Variants in OPHN1 observed in about 807,000 individuals in gnomAD.
OPHN1 encodes the protein oligophrenin-1.
Under a neutral mutation model 60.7 loss-of-function variants are expected in OPHN1, and 11 were observed. That is an observed-to-expected ratio of 0.18 (90% CI 0.11 to 0.30). The LOEUF is 0.30. Ranked by LOEUF, OPHN1 falls within the 10% of genes least tolerant of loss-of-function variation. OPHN1 has a pLI of 1.00. For synonymous variants in OPHN1, 226 were observed against 222.6 expected, an observed-to-expected ratio of 1.02 and a Z score of -0.14; for missense variants, 449 against 611.0, an observed-to-expected ratio of 0.73 and a Z score of 2.80.
chrX:68,210,307 C>T lies in OPHN1; in HGVS notation c.703-25G>A, dbSNP rs186512035. On this transcript the variant is annotated intron_variant, in intron 8 of 24. Coordinates refer to ENST00000355520, the MANE Select transcript of OPHN1 (RefSeq NM_002547.3). Reference sequence around the variant, plus strand: ...TCTGTCAAGACATCATCATGAAAATCATTATTATCATCATCATTATCATGA... The same window carrying T: ...TCTGTCAAGACATCATCATGAAAATTATTATTATCATCATCATTATCATGA... 300 of 1,184,287 alleles carry T rather than the reference C, an allele frequency of 2.5e-4. 4 individuals are homozygous for T. In the East Asian group the frequency reaches 7.6e-3, roughly 30 times the overall value.
intron 15 of OPHN1, among the ~76,000 whole-genome samples, chrX:68,187,658 T>A (rs746576312): frequency 1.8e-5 from 2 of 111,237 alleles, no homozygotes; most frequent in Non-Finnish European, 3.8e-5. Flanking sequence ...GGTGGAGTCT[T>A]GCTCTGTCGC....
chrX:68,379,094 C>T (rs1431694981), intron 2 of OPHN1, among the ~76,000 whole-genome samples: 2 of 110,824 alleles, frequency 1.8e-5, no homozygotes, highest in African/African-American at 6.6e-5. Context: ...TTCTTTGTAT[C>T]CTCTTTGATT....
chrX:68,430,638 C>T (rs1051417292), intron 2 of OPHN1, among the ~76,000 whole-genome samples: 1 of 110,618 alleles, frequency 9.0e-6, no homozygotes, highest in Non-Finnish European at 1.9e-5. Flanking sequence ...GCCTGGCTAA[C>T]GTGGTGAAAC....
intron 2 of OPHN1, among the ~76,000 whole-genome samples, chrX:68,343,629 T>C (rs5965553): frequency 0.11 from 11,499 of 109,387 alleles, 1,531 homozygotes; most frequent in African/African-American, 0.37. Context: ...ATATAAGAAT[T>C]GATGTGGGTT....
At chrX:68,150,136 C>T (rs1406236056) in intron 15 of OPHN1, among the ~76,000 whole-genome samples, 3 of 111,088 alleles carry the variant, frequency 2.7e-5, no homozygotes, top group Non-Finnish European at 1.9e-5. Context: ...AGAAATAAGA[C>T]GGGTGGTTAC....
intron 22 of OPHN1, 99 bp downstream of exon 22, chrX:68,053,546 A>T: frequency 1.2e-6 from 1 of 866,890 alleles, no homozygotes; most frequent in South Asian, 2.1e-5. Flanking sequence ...AGGATGCCCC[A>T]GGGCTGTGCA....
chrX:68,341,721 C>T (rs2078352813), intron 2 of OPHN1, among the ~76,000 whole-genome samples: 1 of 109,634 alleles, frequency 9.1e-6, no homozygotes, highest in African/African-American at 3.3e-5. Flanking sequence ...GCCTGTAGTC[C>T]CAGCTACTCA....
chrX:68,394,147 G>A (rs992187496), intron 2 of OPHN1, among the ~76,000 whole-genome samples: 2 of 109,840 alleles, frequency 1.8e-5, no homozygotes, highest in Non-Finnish European at 3.8e-5. Flanking sequence ...CGCCCGCCTC[G>A]GCCTCCCAAA....
At chrX:68,414,663 T>C (rs1216643599) in intron 2 of OPHN1, among the ~76,000 whole-genome samples, 1 of 111,980 alleles carries the variant, frequency 8.9e-6, no homozygotes, top group Non-Finnish European at 1.9e-5. Context: ...TTGAGGAAAC[T>C]GAAACTTTAA....
At chrX:68,215,213 A>G (rs1010653136) in intron 6 of OPHN1, among the ~76,000 whole-genome samples, 1 of 110,875 alleles carries the variant, frequency 9.0e-6, no homozygotes, top group Non-Finnish European at 1.9e-5. Flanking sequence ...AGTAGATTGA[A>G]CAAGAGTGAG....
chrX:68,148,623 T>G (rs1424255573), intron 15 of OPHN1, among the ~76,000 whole-genome samples: 2 of 111,071 alleles, frequency 1.8e-5, no homozygotes, highest in African/African-American at 6.5e-5. Flanking sequence ...TTTATTATGA[T>G]CTGAGTTATA....
chrX:68,168,912 G>A (rs1312078888), intron 15 of OPHN1, among the ~76,000 whole-genome samples: 1 of 111,356 alleles, frequency 9.0e-6, no homozygotes, highest in African/African-American at 3.3e-5. Context: ...AGAAGAAATG[G>A]ATAAATTCCT....
At chrX:68,126,802 C>T (rs2077173802) in intron 15 of OPHN1, among the ~76,000 whole-genome samples, 1 of 112,134 alleles carries the variant, frequency 8.9e-6, no homozygotes, top group East Asian at 2.8e-4. Flanking sequence ...AGAGGATTGC[C>T]TGAAGAACAT....
chrX:68,130,924 G>A lies in OPHN1; in HGVS notation c.1277-11592C>T, dbSNP rs752501298. On this transcript the variant is annotated intron_variant, in intron 15 of 24. Coordinates refer to ENST00000355520, the MANE Select transcript of OPHN1 (RefSeq NM_002547.3). The stretch of plus-strand genomic sequence containing the variant: ...CAGAAAGACAAAGTCCACACAAAGC[G>A]TAAAAATAATGACAAACTGGTAGAT... Among the ~76,000 whole-genome samples, 18 of 111,494 alleles carry A rather than the reference G, an allele frequency of 1.6e-4. No individual in the cohort carries two copies. In the East Asian group the frequency reaches 3.7e-3, roughly 23 times the overall value.
Position 68,197,283 on chromosome X carries a change from G to T in OPHN1, c.1026-19C>A, listed in dbSNP as rs1273871519. The T allele has an allele frequency of 1.7e-6, 2 of 1,168,715 alleles. No individual in the cohort carries two copies. Among genetic ancestry groups the T allele is most frequent in the East Asian group, 3.0e-5 (1 of 33,586 alleles). The stretch of plus-strand genomic sequence containing the variant: ...TCCTGGCCTGAGGGGGAAAAAAATG[G>T]TAAGTATAAAGCAGAAAATTCAACT... On this transcript the variant is annotated intron_variant, in intron 11 of 24. Transcript: ENST00000355520.
intron 3 of OPHN1, among the ~76,000 whole-genome samples, chrX:68,294,829 A>G (rs1281137344): frequency 1.8e-5 from 2 of 112,013 alleles, no homozygotes; most frequent in African/African-American, 6.5e-5. Flanking sequence ...TCATTAGTCT[A>G]TATAAAGTGC....
chrX:68,406,556 G>A (rs756613072), intron 2 of OPHN1, among the ~76,000 whole-genome samples: 4 of 110,611 alleles, frequency 3.6e-5, no homozygotes, highest in South Asian at 3.9e-4. Flanking sequence ...AGGTTGCAGT[G>A]AGCCAAGATC....
intron 15 of OPHN1, among the ~76,000 whole-genome samples, chrX:68,153,375 C>G (rs754819932): frequency 1.8e-5 from 2 of 111,443 alleles, no homozygotes; most frequent in South Asian, 7.6e-4. Flanking sequence ...ATCAGGATTA[C>G]TTATGTAAGT....
At chrX:68,315,966 T>C in intron 2 of OPHN1, among the ~76,000 whole-genome samples, 1 of 110,921 alleles carries the variant, frequency 9.0e-6, no homozygotes, top group Non-Finnish European at 1.9e-5. Context: ...AATATTATTA[T>C]AATGACAGTC....
Sources: gnomAD v4.1 joint callset for allele counts (sites outside exome capture counted in the v4.1 genomes callset) on GRCh38, gnomAD v4.1.1 for gene constraint, MANE v1.5 for transcripts, NCBI Gene and HGNC (gene_info 2026-07-23, HGNC 2026-07-21) for gene names.